The following TMEM132D variants were observed in gnomAD, a reference collection of about 807,000 sequenced individuals.
The protein encoded by TMEM132D is mature OL transmembrane protein.
Under a neutral mutation model 62.3 loss-of-function variants are expected in TMEM132D, and 21 were observed. The observed-to-expected ratio is 0.34, with a 90% CI of 0.24 to 0.49. The LOEUF is 0.49. TMEM132D is among the 20% of genes least tolerant of loss of function. TMEM132D has a pLI of 0.99. For missense variants in TMEM132D, 1,346 were observed against 1,402.8 expected, an observed-to-expected ratio of 0.96 and a Z score of 0.65; for synonymous variants, 621 against 575.6, an observed-to-expected ratio of 1.08 and a Z score of -1.13.
intron 3 of TMEM132D, among the ~76,000 whole-genome samples, chr12:129,417,394 C>T (rs541560387): frequency 1.3e-5 from 2 of 152,260 alleles, no homozygotes; most frequent in Non-Finnish European, 2.9e-5. Context: ...GAAATAACAC[C>T]ACACATCTAC....
chr12:129,538,016 G>A (rs897343647), intron 2 of TMEM132D, among the ~76,000 whole-genome samples: 1 of 152,192 alleles, frequency 6.6e-6, no homozygotes, highest in African/African-American at 2.4e-5. Context: ...TGACTTTTAT[G>A]TGAAATTCCA....
At chr12:129,088,157 T>C (rs1418334229) in intron 5 of TMEM132D, among the ~76,000 whole-genome samples, 1 of 21,822 alleles carries the variant, frequency 4.6e-5, no homozygotes, top group Non-Finnish European at 7.6e-5. Context: ...CCTGACCGGG[T>C]GTCCTCCCTG....
intron 1 of TMEM132D, among the ~76,000 whole-genome samples, chr12:129,728,241 A>G (rs139670353): frequency 1.8e-3 from 267 of 152,380 alleles, no homozygotes; most frequent in Non-Finnish European, 3.1e-3. Flanking sequence ...CCATCAGCAC[A>G]GAAAGTTCCT....
intron 1 of TMEM132D, among the ~76,000 whole-genome samples, chr12:129,703,903 C>T (rs1400343092): frequency 1.4e-5 from 2 of 140,494 alleles, no homozygotes; most frequent in Admixed American, 7.6e-5. Context: ...AAAGCAATAA[C>T]TAATCGAATA....
rs368901345 is a variant in TMEM132D at position 129,307,238 on chromosome 12, C to T, written c.1299+30396G>A. ...GAGATTTAGAGAGAAACTCGAGCACCCTATGAAAAGAGTATAATCCAACCA... is the reference window on the plus strand; with the variant it reads ...GAGATTTAGAGAGAAACTCGAGCACTCTATGAAAAGAGTATAATCCAACCA... On this transcript the variant is annotated intron_variant, in intron 4 of 8. Coordinates refer to ENST00000422113, the MANE Select transcript of TMEM132D (RefSeq NM_133448.3). Among the ~76,000 whole-genome samples, 6 of 152,014 alleles carry T rather than the reference C, an allele frequency of 3.9e-5. No individual in the cohort carries two copies. In the East Asian group the frequency reaches 1.2e-3, roughly 30 times the overall value.
intron 2 of TMEM132D, among the ~76,000 whole-genome samples, chr12:129,631,792 G>C (rs926165019): frequency 2.0e-5 from 3 of 152,118 alleles, no homozygotes; most frequent in African/African-American, 7.2e-5. Context: ...CAACCAGAGG[G>C]ATACAGAATT....
intron 2 of TMEM132D, among the ~76,000 whole-genome samples, chr12:129,572,806 A>G (rs1477717031): frequency 1.3e-5 from 2 of 152,048 alleles, no homozygotes; most frequent in Non-Finnish European, 2.9e-5. Flanking sequence ...GCTTGGAAAT[A>G]ATTACTCCTT....
At chr12:129,515,453 T>G (rs1206368505) in intron 3 of TMEM132D, among the ~76,000 whole-genome samples, 1 of 152,178 alleles carries the variant, frequency 6.6e-6, no homozygotes, top group Non-Finnish European at 1.5e-5. Flanking sequence ...TTATAAAATC[T>G]TAGAGTGACT....
chr12:129,536,817 T>C (rs1361860951), intron 2 of TMEM132D, among the ~76,000 whole-genome samples: 1 of 152,190 alleles, frequency 6.6e-6, no homozygotes, highest in African/African-American at 2.4e-5. Flanking sequence ...ACAATGTGAA[T>C]GATATGTTTC....
chr12:129,367,684 T>C (rs1870461507), intron 3 of TMEM132D, among the ~76,000 whole-genome samples: 1 of 152,114 alleles, frequency 6.6e-6, no homozygotes. Flanking sequence ...ATTTGAATAC[T>C]TGGATCCAGC....
chr12:129,393,380 G>C (rs2135695654), intron 3 of TMEM132D, among the ~76,000 whole-genome samples: 1 of 152,338 alleles, frequency 6.6e-6, no homozygotes, highest in East Asian at 1.9e-4. Flanking sequence ...GGGGCAACTG[G>C]TTTAATGGAT....
chr12:129,834,598 C>T (rs1387381801), intron 1 of TMEM132D, among the ~76,000 whole-genome samples: 6 of 152,180 alleles, frequency 3.9e-5, no homozygotes, highest in East Asian at 1.9e-4. Flanking sequence ...CACCACTCCT[C>T]GCTTCTGTTC....
intron 2 of TMEM132D, among the ~76,000 whole-genome samples, chr12:129,542,850 T>C (rs11060422): frequency 0.24 from 37,119 of 151,862 alleles, 4,716 homozygotes; most frequent in East Asian, 0.4. Flanking sequence ...TGTTTACATA[T>C]GTTTAGACAC....
chr12:129,698,334 GT>G (rs1881255916), intron 2 of TMEM132D: 2 of 151,322 alleles, frequency 1.3e-5, no homozygotes, highest in South Asian at 4.2e-4. Flanking sequence ...CAGGCCAAAG[GT>G]TTTTACCTTC....
chr12:129,331,074 T>C (rs1368820107), intron 4 of TMEM132D, among the ~76,000 whole-genome samples: 2 of 152,124 alleles, frequency 1.3e-5, no homozygotes, highest in Non-Finnish European at 2.9e-5. Flanking sequence ...ATGGATCCTG[T>C]CTGAGCACGA....
intron 3 of TMEM132D, among the ~76,000 whole-genome samples, chr12:129,379,995 C>T (rs7308309): frequency 0.68 from 102,861 of 152,020 alleles, 35,239 homozygotes; most frequent in Middle Eastern, 0.72. Context: ...GAGTGACATA[C>T]GTTTTAAGAA....
chr12:129,299,049 G>A lies in TMEM132D; in HGVS notation c.1299+38585C>T, dbSNP rs139662490. 2.6e-4 allele frequency among the ~76,000 whole-genome samples: 39 copies of A among 152,242 alleles called. No individual in the cohort carries two copies. In the East Asian group the frequency reaches 4.1e-3, roughly 16 times the overall value. ...ACTTCACTGCACTCTCAGGCCAAGC[G>A]CTTCAGAAGGAAGTTCCCAAGGTCG... On this transcript the variant is annotated intron_variant, in intron 4 of 8. Coordinates refer to ENST00000422113, the MANE Select transcript of TMEM132D (RefSeq NM_133448.3).
chr12:129,101,311 G>A (rs77959571), intron 5 of TMEM132D, among the ~76,000 whole-genome samples: 191 of 152,252 alleles, frequency 1.3e-3, no homozygotes, highest in African/African-American at 4.2e-3. Context: ...TAGTATAAAC[G>A]CTCGTGATTT....
intron 1 of TMEM132D, among the ~76,000 whole-genome samples, chr12:129,724,054 T>C (rs1868938853): frequency 6.6e-6 from 1 of 152,192 alleles, no homozygotes; most frequent in Non-Finnish European, 1.5e-5. Flanking sequence ...CCAGGGACTT[T>C]ATAAGAAGGA....
Sources: allele counts gnomAD v4.1 joint callset (sites outside exome capture counted in the v4.1 genomes callset), GRCh38; gene constraint gnomAD v4.1.1; transcripts MANE v1.5; gene names NCBI Gene and HGNC (gene_info 2026-07-23, HGNC 2026-07-21).